METTL15: variants seen among roughly 807,000 people sequenced by gnomAD.
METTL15 encodes the protein methyltransferase 15, mitochondrial 12S rRNA N4-cytidine.
METTL15 carries 34 observed loss-of-function variants against 38.3 expected under a neutral mutation model. The observed-to-expected ratio is 0.89, with a 90% CI of 0.68 to 1.18. The LOEUF is 1.18. Among genes scored for constraint, METTL15 ranks in the 50% most tolerant of loss-of-function variants. The pLI is 0.00. For synonymous variants in METTL15, 162 were observed against 170.9 expected, an observed-to-expected ratio of 0.95 and a Z score of 0.41; for missense variants, 438 against 498.4, an observed-to-expected ratio of 0.88 and a Z score of 1.15.
At chr11:28,221,699 CTT>C (rs1361336674) in intron 4 of METTL15, among the ~76,000 whole-genome samples, 1 of 152,158 alleles carries the variant, frequency 6.6e-6, no homozygotes, top group Non-Finnish European at 1.5e-5. Context: ...TACCTTTCGT[CTT>C]TGATGATGGT....
chr11:28,168,356 A>G (rs946047797), intron 3 of METTL15, among the ~76,000 whole-genome samples: 1 of 152,136 alleles, frequency 6.6e-6, no homozygotes, highest in Non-Finnish European at 1.5e-5. Context: ...AAAAACCTAT[A>G]AAGATCAGAA....
chr11:28,369,408 A>G (rs1850221083), intron 5 of METTL15, among the ~76,000 whole-genome samples: 1 of 152,072 alleles, frequency 6.6e-6, no homozygotes, highest in African/African-American at 2.4e-5. Context: ...AAACTTCCCA[A>G]ATATTCAAAT....
At chr11:28,139,101 T>G (rs1322605245) in intron 3 of METTL15, among the ~76,000 whole-genome samples, 1 of 152,200 alleles carries the variant, frequency 6.6e-6, no homozygotes, top group Non-Finnish European at 1.5e-5. Flanking sequence ...GTCAGACTTC[T>G]GGGTTTCCTT....
intron 5 of METTL15, among the ~76,000 whole-genome samples, chr11:28,422,055 T>C (rs1309588985): frequency 2.0e-5 from 3 of 151,854 alleles, no homozygotes; most frequent in East Asian, 3.9e-4. Context: ...GCAAACAATC[T>C]GGAAAAGAAA....
intron 5 of METTL15, among the ~76,000 whole-genome samples, chr11:28,410,036 A>T (rs1335898740): frequency 1.3e-5 from 2 of 152,146 alleles, no homozygotes; most frequent in African/African-American, 4.8e-5. Flanking sequence ...TAAATTCCTT[A>T]AAAATGTAAC....
chr11:28,172,394 A>G (rs1003700271), intron 3 of METTL15, among the ~76,000 whole-genome samples: 1 of 152,192 alleles, frequency 6.6e-6, no homozygotes, highest in Admixed American at 6.5e-5. Flanking sequence ...ACGGCAACTT[A>G]GCTTCAAAAG....
chr11:28,295,151 G>T (rs777059912), intron 5 of METTL15, among the ~76,000 whole-genome samples: 6 of 152,126 alleles, frequency 3.9e-5, no homozygotes, highest in Non-Finnish European at 7.4e-5. Context: ...CTAAAGGACA[G>T]TGGCATGCAT....
intron 3 of METTL15, among the ~76,000 whole-genome samples, chr11:28,170,370 C>T (rs1016043142): frequency 5.9e-5 from 9 of 151,892 alleles, no homozygotes; most frequent in Non-Finnish European, 1.3e-4. Context: ...AAGCTGTTAG[C>T]GGAAAGGGAT....
chr11:28,443,041 T>A (rs1181402628), intron 6 of METTL15, among the ~76,000 whole-genome samples: 1 of 152,214 alleles, frequency 6.6e-6, no homozygotes, highest in African/African-American at 2.4e-5. Context: ...CACAACTGTG[T>A]TACCCATACA....
Position 28,423,999 on chromosome 11 carries a change from C to CT in METTL15, c.*359-292dup, listed in dbSNP as rs199961958. On this transcript the variant is annotated intron_variant and NMD_transcript_variant, in intron 5 of 7. Transcript: ENST00000532947. Reference sequence around the variant, plus strand: ...ATACTCCTATTATGTACTCATAAAACTTTTTTTTAAAAAACCCCAAAGAAA... The same window carrying CT: ...ATACTCCTATTATGTACTCATAAAACTTTTTTTTTAAAAAACCCCAAAGAAA... 9.8e-4 allele frequency among the ~76,000 whole-genome samples: 149 copies of CT among 152,084 alleles called. 1 individual carries two copies. The highest frequency in any genetic ancestry group is 1.8e-3 in the Non-Finnish European group (120 of 67,948).
intron 5 of METTL15, among the ~76,000 whole-genome samples, chr11:28,292,215 C>T (rs866967505): frequency 4.2e-5 from 5 of 118,056 alleles, no homozygotes; most frequent in South Asian, 3.6e-4. Flanking sequence ...CCCCTCCCCC[C>T]ACCCCACAAC....
intron 3 of METTL15, chr11:28,163,216 G>A: frequency 2.5e-6 from 1 of 394,340 alleles, no homozygotes; most frequent in Non-Finnish European, 4.5e-6. Flanking sequence ...GTGTGATAAT[G>A]AGTGGAGAAA....
intron 4 of METTL15, among the ~76,000 whole-genome samples, chr11:28,216,846 A>G (rs1590172545): frequency 6.6e-6 from 1 of 151,744 alleles, no homozygotes; most frequent in East Asian, 2.0e-4. Context: ...TTTGCTGAGA[A>G]TGATGGTTTC....
chr11:28,329,418 T>C (rs2134061973), intron 6 of METTL15, among the ~76,000 whole-genome samples: 1 of 152,288 alleles, frequency 6.6e-6, no homozygotes, highest in East Asian at 1.9e-4. Flanking sequence ...CTTTCAAGAT[T>C]ATTTGGGCTG....
At chr11:28,349,422 C>T (rs1294051970) in intron 3 of METTL15, among the ~76,000 whole-genome samples, 1 of 152,042 alleles carries the variant, frequency 6.6e-6, no homozygotes, top group African/African-American at 2.4e-5. Context: ...AGGCAGGATA[C>T]TAATATATTG....
At chr11:28,215,768 C>G (rs1852837969) in intron 4 of METTL15, among the ~76,000 whole-genome samples, 1 of 152,152 alleles carries the variant, frequency 6.6e-6, no homozygotes, top group African/African-American at 2.4e-5. Flanking sequence ...CGAAGAGGAT[C>G]ATACCTGCAA....
At chr11:28,444,722 G>C (rs1403372115) in intron 6 of METTL15, among the ~76,000 whole-genome samples, 1 of 152,224 alleles carries the variant, frequency 6.6e-6, no homozygotes, top group Non-Finnish European at 1.5e-5. Flanking sequence ...AAATCACTTA[G>C]CATGAGGATG....
chr11:28,238,965 T>G (rs1442531368), intron 4 of METTL15, among the ~76,000 whole-genome samples: 2 of 152,338 alleles, frequency 1.3e-5, no homozygotes, highest in Non-Finnish European at 2.9e-5. Flanking sequence ...TTTGGATTTT[T>G]TTTTTCCTAT....
At chr11:28,492,009 G>T (rs1851498900) in intron 6 of METTL15, among the ~76,000 whole-genome samples, 1 of 152,048 alleles carries the variant, frequency 6.6e-6, no homozygotes, top group Non-Finnish European at 1.5e-5. Context: ...ATTGTATAAG[G>T]TACAGGCCTT....
Sources: allele counts gnomAD v4.1 joint callset (sites outside exome capture counted in the v4.1 genomes callset), GRCh38; gene constraint gnomAD v4.1.1; transcripts MANE v1.5; gene names NCBI Gene and HGNC (gene_info 2026-07-23, HGNC 2026-07-21).